NINJ2: variants seen among roughly 807,000 people sequenced by gnomAD.
The protein encoded by NINJ2 is ninjurin 2.
Under a neutral mutation model 11.7 loss-of-function variants are expected in NINJ2, and 12 were observed. That is an observed-to-expected ratio of 1.02 (90% CI 0.66 to 1.66). The LOEUF (loss-of-function observed/expected upper bound fraction) is 1.66, where lower values mean the gene tolerates loss of function less well. Among genes scored for constraint, NINJ2 ranks in the 40% most tolerant of loss-of-function variants. The probability of loss-of-function intolerance (pLI) is 0.00; values close to 1 mark genes in which losing one functional copy is unlikely to be tolerated. For missense variants in NINJ2, 187 were observed against 181.8 expected (o/e 1.03, Z -0.16); for synonymous variants, 93 against 76.8 (o/e 1.21, Z -1.10).
At chr12:595,902 A>T (rs562082570) in intron 1 of NINJ2, among the ~76,000 whole-genome samples, 99 of 152,372 alleles carry the variant, frequency 6.5e-4, no homozygotes, top group Non-Finnish European at 1.1e-3. Context: ...ATGAAGACAT[A>T]AAATGGCAAG....
At chr12:663,265 C>G in intron 1 of NINJ2, 63 bp downstream of exon 1, 1 of 1,467,164 alleles carries the variant, frequency 6.8e-7, no homozygotes, top group African/African-American at 1.4e-5. Flanking sequence ...TATCAATCCT[C>G]TGTTCTTCCA....
intron 1 of NINJ2, among the ~76,000 whole-genome samples, chr12:621,221 G>A (rs1948148566): frequency 6.6e-6 from 1 of 152,070 alleles, no homozygotes. Context: ...GCTGAGGCAG[G>A]AGGATTGCTT....
chr12:659,467 C>T (rs1478557308), intron 1 of NINJ2, among the ~76,000 whole-genome samples: 1 of 152,184 alleles, frequency 6.6e-6, no homozygotes, highest in Non-Finnish European at 1.5e-5. Context: ...AGGGATTATC[C>T]TCAACCTTTC....
chr12:629,896 A>AAAAAAAAAAAAAAATATATATATAT, intron 1 of NINJ2, among the ~76,000 whole-genome samples: 3 of 9,902 alleles, frequency 3.0e-4, no homozygotes, highest in Non-Finnish European at 9.4e-4. Flanking sequence ...AAAAAAAAAA[A>AAAAAAAAAAAAAAATATATATATAT]ATATATATAT....
At chr12:658,289 G>C (rs1417178867) in intron 1 of NINJ2, among the ~76,000 whole-genome samples, 1 of 152,122 alleles carries the variant, frequency 6.6e-6, no homozygotes, top group Non-Finnish European at 1.5e-5. Context: ...ACAGGTGTGA[G>C]CCACTGCGCC....
At chr12:643,511 C>A in intron 1 of NINJ2, 1 of 988,166 alleles carries the variant, frequency 1.0e-6, no homozygotes, top group Non-Finnish European at 1.2e-6. Flanking sequence ...GGAACTGTAC[C>A]TCATGTCCCC....
At chr12:632,683 C>T (rs796577367) in intron 1 of NINJ2, 8 of 150,644 alleles carry the variant, frequency 5.3e-5, no homozygotes, top group African/African-American at 2.0e-4. Flanking sequence ...AGGCTTAGCT[C>T]TGGGGTAATG....
Position 581,409 on chromosome 12 carries a change from C to T in NINJ2, c.34-15231G>A, listed in dbSNP as rs1393611501. Reference sequence around the variant, plus strand: ...TGATTGGTGGGCCAGCCTGAATCTGCTGCGCCTGCCAGCTTCAGCCAATCC... The same window carrying T: ...TGATTGGTGGGCCAGCCTGAATCTGTTGCGCCTGCCAGCTTCAGCCAATCC... On this transcript the variant is annotated intron_variant, in intron 1 of 3. Coordinates refer to ENST00000305108, the MANE Select transcript of NINJ2 (RefSeq NM_016533.6). The surrounding 1 kb of genome is among the most constrained non-coding windows in gnomAD (Gnocchi z 4.9). Among the ~76,000 whole-genome samples, 1 of 152,300 alleles carries T rather than the reference C, an allele frequency of 6.6e-6. No individual in the cohort carries two copies. Among genetic ancestry groups the T allele is most frequent in the Non-Finnish European group, 1.5e-5 (1 of 68,024 alleles).
rs566718608 is a variant in NINJ2 at position 660,888 on chromosome 12, G to A, written c.33+2440C>T. ...AGGCAGGAGAATCACTTGAACCCAG[G>A]AGGCGGAGGTTGCAGTGAGCTGAGA... On this transcript the variant is annotated intron_variant, in intron 1 of 3. Coordinates refer to ENST00000305108, the MANE Select transcript of NINJ2 (RefSeq NM_016533.6). Among the ~76,000 whole-genome samples, 15 of 152,208 alleles carry A rather than the reference G, an allele frequency of 9.9e-5. No individual in the cohort carries two copies. In the East Asian group the frequency reaches 2.1e-3, roughly 22 times the overall value.
At chr12:655,412 A>G (rs1012464134) in intron 1 of NINJ2, among the ~76,000 whole-genome samples, 2 of 152,232 alleles carry the variant, frequency 1.3e-5, no homozygotes, top group African/African-American at 2.4e-5. Flanking sequence ...AAGCAATTAT[A>G]GCAAGGTTGC....
chr12:592,015 G>C (rs554510939), intron 1 of NINJ2, among the ~76,000 whole-genome samples: 1 of 151,850 alleles, frequency 6.6e-6, no homozygotes, highest in South Asian at 2.1e-4. Flanking sequence ...CAGCCGCCAG[G>C]CTGTAGCCAA....
At chr12:641,735 C>T (rs531798344) in intron 1 of NINJ2, among the ~76,000 whole-genome samples, 218 of 151,774 alleles carry the variant, frequency 1.4e-3, no homozygotes, top group African/African-American at 5.0e-3. Context: ...GTCCCATCTA[C>T]TCGGGAGGCT....
In NINJ2 at chr12:643,799, C is replaced by T. The variant is rs900802918; in HGVS notation, c.33+19529G>A. On this transcript the variant is annotated intron_variant, in intron 1 of 3. Transcript: ENST00000305108. Reference sequence around the variant, plus strand: ...TCTTCCAGTAGAAACTGTTTTGCCACTTTTGGGGGGAATCTTGAGCTACCA... The same window carrying T: ...TCTTCCAGTAGAAACTGTTTTGCCATTTTTGGGGGGAATCTTGAGCTACCA... The T allele has an allele frequency of 1.1e-5, 5 of 465,848 alleles. 1 individual carries two copies. Among genetic ancestry groups the T allele is most frequent in the African/African-American group, 2.1e-5 (1 of 47,240 alleles). The allele number at this position is 465,848 out of a possible 1,614,324, so 28.9% of individuals were successfully genotyped here.
intron 1 of NINJ2, among the ~76,000 whole-genome samples, chr12:627,654 C>A (rs577852329): frequency 1.3e-5 from 2 of 152,368 alleles, no homozygotes; most frequent in African/African-American, 4.8e-5. Flanking sequence ...AAGGGTGGCA[C>A]CTCTGTGCCC....
chr12:663,211 T>G (rs1310139188), intron 1 of NINJ2, 117 bp downstream of exon 1: 10 of 863,038 alleles, frequency 1.2e-5, no homozygotes, highest in East Asian at 2.6e-5. Flanking sequence ...GAGAAGGGAG[T>G]GAGTAAGAAG....
At chr12:654,968 A>C (rs938227391) in intron 1 of NINJ2, among the ~76,000 whole-genome samples, 3 of 152,196 alleles carry the variant, frequency 2.0e-5, no homozygotes, top group Admixed American at 6.5e-5. Context: ...TGACTAAAAA[A>C]GAAAAATCAC....
Position 663,382 on chromosome 12 carries a change from C to G in NINJ2, c.-22G>C. The G allele has an allele frequency of 6.2e-7, 1 of 1,614,206 alleles. No individual in the cohort carries two copies. The highest frequency in any genetic ancestry group is 1.1e-5 in the South Asian group (1 of 91,080). ...CCATCTCGCTGCCCTCAAGTCCCTT[C>G]ACACGCACCGGGTGCCGGGAACAGA... On this transcript the variant is annotated 5_prime_UTR_variant, in exon 1 of 4. Coordinates refer to ENST00000305108, the MANE Select transcript of NINJ2 (RefSeq NM_016533.6).
intron 1 of NINJ2, among the ~76,000 whole-genome samples, chr12:615,739 A>C (rs1270289935): frequency 6.6e-6 from 1 of 152,180 alleles, no homozygotes; most frequent in Non-Finnish European, 1.5e-5. Context: ...AGCACGTACC[A>C]TGGGCTATTA....
chr12:653,413 G>T (rs1592119389), intron 1 of NINJ2, among the ~76,000 whole-genome samples: 1 of 151,988 alleles, frequency 6.6e-6, no homozygotes, highest in African/African-American at 2.4e-5. Context: ...GTTTTATGAT[G>T]TATACACATA....
Sources: gnomAD v4.1 joint callset for allele counts (sites outside exome capture counted in the v4.1 genomes callset) on GRCh38, gnomAD v4.1.1 for gene constraint, Gnocchi (gnomAD v3.1) non-coding constraint, MANE v1.5 for transcripts, NCBI Gene and HGNC (gene_info 2026-07-23, HGNC 2026-07-21) for gene names.